SGCZ: variants seen among roughly 807,000 people sequenced by gnomAD.
SGCZ encodes the protein zeta-sarcoglycan.
Under a neutral mutation model 41.3 loss-of-function variants are expected in SGCZ, and 40 were observed. The observed-to-expected ratio is 0.97, with a 90% CI of 0.75 to 1.26. SGCZ has a LOEUF of 1.26. SGCZ is among the 50% of genes most tolerant of loss of function. The pLI, the probability that SGCZ is intolerant of heterozygous loss-of-function variation, is 0.00. For missense variants in SGCZ, 552 were observed against 369.8 expected (o/e 1.49, Z -4.04); for synonymous variants, 206 against 137.5 (o/e 1.50, Z -3.49).
intron 4 of SGCZ, among the ~76,000 whole-genome samples, chr8:14,198,879 T>G (rs1430475215): frequency 6.6e-6 from 1 of 152,190 alleles, no homozygotes; most frequent in Non-Finnish European, 1.5e-5. Context: ...ATCAATACTC[T>G]TGTGATTTCC....
At chr8:14,133,442 C>G (rs369409013) in intron 5 of SGCZ, among the ~76,000 whole-genome samples, 3 of 152,242 alleles carry the variant, frequency 2.0e-5, no homozygotes, top group East Asian at 3.9e-4. Context: ...CAGAGAAGAG[C>G]ATCTTTTCTT....
At chr8:14,820,121 C>T (rs373838427) in intron 1 of SGCZ, among the ~76,000 whole-genome samples, 2 of 151,902 alleles carry the variant, frequency 1.3e-5, no homozygotes, top group East Asian at 3.9e-4. Flanking sequence ...CCTAACTATA[C>T]ATAGCATGCA....
intron 1 of SGCZ, among the ~76,000 whole-genome samples, chr8:15,220,563 A>ATCT (rs1193782328): frequency 6.6e-6 from 1 of 152,080 alleles, no homozygotes; most frequent in Admixed American, 6.6e-5. Flanking sequence ...AACTCTTAGA[A>ATCT]AATTACATAA....
At chr8:14,450,878 G>T (rs1354366776) in intron 2 of SGCZ, among the ~76,000 whole-genome samples, 1 of 152,098 alleles carries the variant, frequency 6.6e-6, no homozygotes, top group Non-Finnish European at 1.5e-5. Flanking sequence ...TACTACAAAA[G>T]TGGTATTTCA....
intron 1 of SGCZ, among the ~76,000 whole-genome samples, chr8:15,000,167 C>T (rs946975209): frequency 6.6e-6 from 1 of 152,120 alleles, no homozygotes; most frequent in Non-Finnish European, 1.5e-5. Flanking sequence ...GGAGGGCAGC[C>T]GTCTCCAAGT....
At chr8:15,223,856 T>TTTTTTTTATTTATTTATTTA (rs1801685738) in intron 1 of SGCZ, among the ~76,000 whole-genome samples, 1 of 149,684 alleles carries the variant, frequency 6.7e-6, no homozygotes, top group African/African-American at 2.5e-5. Flanking sequence ...CTTTTTAAAT[T>TTTTTTTTATTTATTTATTTA]TTTATTTATT....
chr8:14,762,844 G>C (rs373918525), intron 1 of SGCZ, among the ~76,000 whole-genome samples: 2 of 152,144 alleles, frequency 1.3e-5, no homozygotes, highest in East Asian at 3.9e-4. Flanking sequence ...GTCTTCAAAT[G>C]ATCAGTTAGT....
chr8:14,558,522 C>A (rs933475605), intron 1 of SGCZ, among the ~76,000 whole-genome samples: 1 of 147,568 alleles, frequency 6.8e-6, no homozygotes, highest in Non-Finnish European at 1.5e-5. Flanking sequence ...TTGCAGTGAG[C>A]AGAGATGGTG....
At position 14,728,094 on chromosome 8, in the gene SGCZ, G is replaced by T. The variant is rs578253607; in HGVS notation, c.40-173168C>A. On this transcript the variant is annotated intron_variant, in intron 1 of 7. Transcript: ENST00000382080. ...ATCAGAAAGTTGTTACTTCTGATTG[G>T]TGTCCAGAAAGAAGCAAGATGGAAC... Among the ~76,000 whole-genome samples the T allele has an allele frequency of 4.6e-5, 7 of 152,232 alleles. 1 individual carries two copies. In the South Asian group the frequency reaches 1.5e-3, roughly 32 times the overall value.
At chr8:15,140,505 GA>G (rs1287150038) in intron 1 of SGCZ, among the ~76,000 whole-genome samples, 13 of 152,204 alleles carry the variant, frequency 8.5e-5, no homozygotes, top group African/African-American at 3.1e-4. Context: ...AGATAATACA[GA>G]TTAAGTACTT....
intron 1 of SGCZ, among the ~76,000 whole-genome samples, chr8:14,567,451 G>A (rs1045041694): frequency 1.3e-5 from 2 of 152,288 alleles, no homozygotes; most frequent in African/African-American, 4.8e-5. Flanking sequence ...GAACTTTTGT[G>A]TCTGGCTCAG....
intron 2 of SGCZ, among the ~76,000 whole-genome samples, chr8:14,410,346 G>T (rs1023189529): frequency 6.6e-6 from 1 of 150,828 alleles, no homozygotes; most frequent in Non-Finnish European, 1.5e-5. Flanking sequence ...TTCTGAGTAT[G>T]TAAGTTTGAA....
At chr8:14,190,884 G>T (rs1378197068) in intron 4 of SGCZ, among the ~76,000 whole-genome samples, 1 of 152,080 alleles carries the variant, frequency 6.6e-6, no homozygotes, top group Non-Finnish European at 1.5e-5. Flanking sequence ...TTACAGGCAT[G>T]AGCCACCACA....
Position 14,554,782 on chromosome 8 carries a change from C to G in SGCZ, c.184G>C (p.Val62Leu). 3 of 1,613,064 alleles carry G rather than the reference C, an allele frequency of 1.9e-6. No individual in the cohort carries two copies. The South Asian group carries it at 3.3e-5, about 18-fold the overall frequency. The change falls in exon 2 of 8, where the codon GTT becomes CTT. Residue 62 changes from valine (V) to leucine (L), a missense_variant. Physicochemically the swap from Val to Leu is conservative, Grantham distance 32 (BLOSUM62 1). Coordinates refer to ENST00000382080, the MANE Select transcript of SGCZ (RefSeq NM_139167.4). ...FVLLLLVTMI[V>L]NLAMTIWILK... ...ATCCATATTGTCATGGCTAAGTTAACTATCATGGTAACCAACAGCAGAAGG... is the reference window on the plus strand; with the variant it reads ...ATCCATATTGTCATGGCTAAGTTAAGTATCATGGTAACCAACAGCAGAAGG...
chr8:14,869,016 AGGAGCT>A (rs1189416278), intron 1 of SGCZ, among the ~76,000 whole-genome samples: 8 of 152,166 alleles, frequency 5.3e-5, no homozygotes, highest in African/African-American at 1.9e-4. Flanking sequence ...AGGTACAAAG[AGGAGCT>A]GGTACCATTC....
chr8:14,971,663 T>G (rs927301924), intron 1 of SGCZ, among the ~76,000 whole-genome samples: 4 of 149,288 alleles, frequency 2.7e-5, no homozygotes, highest in African/African-American at 9.9e-5. Flanking sequence ...TTTTTTTTTT[T>G]TTAATGCGAC....
chr8:14,775,660 GAAGT>G (rs1171247651), intron 1 of SGCZ, among the ~76,000 whole-genome samples: 1 of 152,152 alleles, frequency 6.6e-6, no homozygotes, highest in Non-Finnish European at 1.5e-5. Flanking sequence ...GTTACATAGA[GAAGT>G]AAGTGTGGTT....
At chr8:14,125,098 A>C (rs906385263) in intron 5 of SGCZ, among the ~76,000 whole-genome samples, 2 of 152,230 alleles carry the variant, frequency 1.3e-5, no homozygotes, top group Admixed American at 6.5e-5. Context: ...GATGCGAAGG[A>C]CTTCTTCAAG....
chr8:14,449,132 G>A (rs1800518518), intron 2 of SGCZ, among the ~76,000 whole-genome samples: 1 of 152,136 alleles, frequency 6.6e-6, no homozygotes, highest in South Asian at 2.1e-4. Flanking sequence ...CATTCGGGGA[G>A]GAATTGTGCT....
Sources: allele counts gnomAD v4.1 joint callset (sites outside exome capture counted in the v4.1 genomes callset), GRCh38; gene constraint gnomAD v4.1.1; transcripts MANE v1.5; gene names NCBI Gene and HGNC (gene_info 2026-07-23, HGNC 2026-07-21).